Variants in PER3 observed in about 807,000 individuals in gnomAD.
The protein encoded by PER3 is period circadian protein homolog 3.
A neutral mutation model predicts 127.2 loss-of-function variants in PER3; 107 were observed. That is an observed-to-expected ratio of 0.84 (90% CI 0.72 to 0.99). The LOEUF (loss-of-function observed/expected upper bound fraction) is 0.99. PER3 is among the 50% of genes least tolerant of loss of function. The pLI is 0.00. For synonymous variants in PER3, 618 were observed against 585.8 expected (o/e 1.05, Z -0.79); for missense variants, 1,560 against 1,525.8 (o/e 1.02, Z -0.37).
At chr1:7,835,358 G>T (rs61773392) in intron 19 of PER3, among the ~76,000 whole-genome samples, 23,871 of 152,214 alleles carry the variant, frequency 0.16, 2,122 homozygotes, top group Admixed American at 0.19. Flanking sequence ...GAGGGAAAAA[G>T]AAGTCTAAGG....
chr1:7,843,491 C>T lies in PER3; in HGVS notation c.*736C>T, dbSNP rs1448779172. The T allele has an allele frequency of 1.3e-5, 2 of 152,318 alleles. No homozygotes were observed. The highest frequency in any genetic ancestry group is 2.4e-5 in the African/African-American group (1 of 41,438). 9.4% of individuals were successfully genotyped at this position (152,318 alleles called of 1,614,324 possible). On this transcript the variant is annotated 3_prime_UTR_variant, in exon 22 of 22. Transcript: ENST00000377532. The stretch of plus-strand genomic sequence containing the variant: ...CATGTGTAATATTAAAATGAAAGAG[C>T]TTCTTACCCAGTGCTGTTGCCCTTT...
At chr1:7,789,078 TTC>T (rs1483067647) in intron 5 of PER3, among the ~76,000 whole-genome samples, 1 of 151,872 alleles carries the variant, frequency 6.6e-6, no homozygotes, top group Non-Finnish European at 1.5e-5. Flanking sequence ...CTTAATTTAT[TTC>T]TTTTTAGTCA....
intron 7 of PER3, among the ~76,000 whole-genome samples, chr1:7,800,088 G>T (rs931595455): frequency 1.3e-5 from 2 of 151,874 alleles, no homozygotes; most frequent in African/African-American, 4.8e-5. Flanking sequence ...TTGTGTATTT[G>T]TAAGTGGTTC....
chr1:7,799,570 A>G (rs2097160741), intron 7 of PER3, among the ~76,000 whole-genome samples: 1 of 149,188 alleles, frequency 6.7e-6, no homozygotes. Context: ...AGATCACACC[A>G]TTGCACTCCA....
chr1:7,815,712 G>A (rs547212586), intron 13 of PER3, among the ~76,000 whole-genome samples: 3 of 152,016 alleles, frequency 2.0e-5, no homozygotes, highest in Non-Finnish European at 2.9e-5. Flanking sequence ...TGGGCCGGGC[G>A]CAGTGGCTCA....
chr1:7,786,084 G>T (rs1319633821), intron 3 of PER3, among the ~76,000 whole-genome samples: 1 of 152,086 alleles, frequency 6.6e-6, no homozygotes, highest in East Asian at 1.9e-4. Flanking sequence ...GTGAAACCCC[G>T]TCTCTACTAA....
intron 10 of PER3, among the ~76,000 whole-genome samples, chr1:7,806,348 T>C (rs2097192502): frequency 6.6e-6 from 1 of 152,160 alleles, no homozygotes; most frequent in Non-Finnish European, 1.5e-5. Context: ...GGAGTGAAAG[T>C]GGAGACTGCA....
chr1:7,788,497 G>T (rs11121023), intron 5 of PER3: 2 of 463,080 alleles, frequency 4.3e-6, no homozygotes, highest in African/African-American at 1.9e-5. Context: ...CATTACCAGC[G>T]TATTGTATAG....
intron 20 of PER3, 184 bp from the exon 21 acceptor site, chr1:7,836,815 C>T: frequency 4.2e-6 from 2 of 474,772 alleles, no homozygotes. Flanking sequence ...AGATATTTTC[C>T]ACCAAGAAAA....
At chr1:7,795,720 T>G (rs999699762) in intron 6 of PER3, among the ~76,000 whole-genome samples, 1 of 152,242 alleles carries the variant, frequency 6.6e-6, no homozygotes, top group Non-Finnish European at 1.5e-5. Flanking sequence ...CTGCACGAAG[T>G]GTTTTATTTC....
At position 7,819,291 on chromosome 1, in the gene PER3, G is replaced by T. The variant is rs376085980; in HGVS notation, c.1529G>T (p.Cys510Phe). 5 of 1,613,408 alleles carry T rather than the reference G, an allele frequency of 3.1e-6. No homozygotes were observed. The highest frequency in any genetic ancestry group is 1.6e-4 in the Middle Eastern group (1 of 6,084). The change falls in exon 14 of 22, where the codon TGT becomes TTT. Residue 510 changes from cysteine to phenylalanine, a missense_variant. By Grantham distance (205) the Cys-to-Phe change is radical. Around this residue, in one of 3 missense-constraint regions of PER3, gnomAD observed 1,332 missense variants for 1,223.6 expected, o/e 1.09. Transcript: ENST00000377532. Reference sequence around the variant, plus strand: ...TCCCTTTATTCTGTTTCAGGTGAATGTAAGACCTTTACTTCCTTCCACCAA... The same window carrying T: ...TCCCTTTATTCTGTTTCAGGTGAATTTAAGACCTTTACTTCCTTCCACCAA... Reference protein sequence around the residue: ...GGESANGGGECKTFTSFHQTL... With the variant: ...GGESANGGGEFKTFTSFHQTL...
In PER3 at chr1:7,801,036, A is replaced by G. The variant is rs185685578; in HGVS notation, c.794-77A>G. 7.3e-5 allele frequency: 62 copies of G among 846,048 alleles called. 1 individual carries two copies. Among genetic ancestry groups the G allele is most frequent in the South Asian group, 6.7e-4 (45 of 67,068 alleles). The allele number at this position is 846,048 out of a possible 1,614,324, so 52.4% of individuals were successfully genotyped here. A position where few individuals can be genotyped will look rare whatever the true frequency, so the allele number is the denominator to read the frequency against. ...TCATATAGATTTTGTTCTCTTTTTA[A>G]TATGTTAAGTGGTTAGTTAGGTGGA... On this transcript the variant is annotated intron_variant, in intron 7 of 21. Transcript: ENST00000377532.
intron 3 of PER3, among the ~76,000 whole-genome samples, chr1:7,786,194 G>C (rs2097089644): frequency 6.6e-6 from 1 of 152,212 alleles, no homozygotes; most frequent in Non-Finnish European, 1.5e-5. Flanking sequence ...GGCGGAGCTT[G>C]CAGTGAGCCG....
intron 16 of PER3, among the ~76,000 whole-genome samples, chr1:7,824,164 C>T (rs1480173099): frequency 4.6e-5 from 7 of 151,970 alleles, no homozygotes; most frequent in South Asian, 4.1e-4. Context: ...TTAAAAATGC[C>T]GTTAGAGAAG....
At chr1:7,839,104 T>G (rs1430792869) in intron 21 of PER3, among the ~76,000 whole-genome samples, 1 of 152,218 alleles carries the variant, frequency 6.6e-6, no homozygotes, top group Non-Finnish European at 1.5e-5. Context: ...CTGTTGTGTA[T>G]ATTGTGTAGC....
intron 5 of PER3, among the ~76,000 whole-genome samples, chr1:7,790,572 C>G (rs2097114586): frequency 6.6e-6 from 1 of 152,164 alleles, no homozygotes; most frequent in Admixed American, 6.5e-5. Flanking sequence ...TCCCAAATCT[C>G]ACGTCCTCAC....
rs1465169788 is a variant in PER3 at position 7,843,691 on chromosome 1, C to G, written c.*936C>G. The G allele has an allele frequency of 6.4e-6, 1 of 156,724 alleles. No homozygotes were observed. The highest frequency in any genetic ancestry group is 1.4e-5 in the Non-Finnish European group (1 of 70,836). The allele number at this position is 156,724 out of a possible 1,614,324, so 9.7% of individuals were successfully genotyped here. On this transcript the variant is annotated 3_prime_UTR_variant, in exon 22 of 22. Transcript: ENST00000377532. ...CGCTCCAGCCCTACCACAGGTCTGA[C>G]TGGCACTGCCTTTTGTTTGCCCTTG...
At position 7,795,869 on chromosome 1, in the gene PER3, C is replaced by T. The variant is rs1309732320; in HGVS notation, c.644+1861C>T. ...AGAACTCGAACCCTGGCCAGTCTGG[C>T]GTCATCTCTGCCAGCAGCAGTTCTT... On this transcript the variant is annotated intron_variant, in intron 6 of 21. Coordinates refer to ENST00000377532, the MANE Select transcript of PER3 (RefSeq NM_001377275.1). Among the ~76,000 whole-genome samples, 13 of 152,374 alleles carry T rather than the reference C, an allele frequency of 8.5e-5. No individual in the cohort carries two copies. The East Asian group carries it at 2.3e-3, about 27-fold the overall frequency.
At position 7,810,011 on chromosome 1, in the gene PER3, A is replaced by C; in HGVS notation, c.1361A>C (p.Lys454Thr). Residue 454 changes from lysine (K) to threonine (T), a missense_variant, in exon 12 of 22, where the codon AAG becomes ACG. Transcript: ENST00000377532. ...EASGHRVEETKAEQMTLQQVY... is the reference protein window; with the variant it reads ...EASGHRVEETTAEQMTLQQVY... ...AGTGGGCACCGTGTGGAGGAGACGA[A>C]GGCGGAGCAGGTGCATGGGCTTATG... 2 of 1,613,632 alleles carry C rather than the reference A, an allele frequency of 1.2e-6. No individual in the cohort carries two copies.
Sources: allele counts gnomAD v4.1 joint callset (sites outside exome capture counted in the v4.1 genomes callset), GRCh38; gene constraint gnomAD v4.1.1; regional missense constraint gnomAD v4.1.1; transcripts MANE v1.5; gene names NCBI Gene and HGNC (gene_info 2026-07-23, HGNC 2026-07-21).